ANKRD11: variants seen among roughly 807,000 people sequenced by gnomAD.
ANKRD11 encodes the protein ankyrin repeat domain-containing protein 11.
ANKRD11 carries 17 observed loss-of-function variants against 195.7 expected under a neutral mutation model. That is an observed-to-expected ratio of 0.09 (90% CI 0.06 to 0.13). ANKRD11 has a LOEUF of 0.13. Ranked by LOEUF, ANKRD11 falls within the 10% of genes least tolerant of loss-of-function variation. The pLI is 1.00. For missense variants in ANKRD11, 3,735 were observed against 3,566.1 expected, an observed-to-expected ratio of 1.05 and a Z score of -1.21; for synonymous variants, 1,953 against 1,528.1, an observed-to-expected ratio of 1.28 and a Z score of -6.49.
At chr16:89,426,871 G>C (rs2042739297) in intron 1 of ANKRD11, among the ~76,000 whole-genome samples, 1 of 152,206 alleles carries the variant, frequency 6.6e-6, no homozygotes, top group African/African-American at 2.4e-5. Flanking sequence ...CAATCGCTTA[G>C]TTATTTGTGA....
intron 2 of ANKRD11, among the ~76,000 whole-genome samples, chr16:89,369,503 A>T (rs757097055): frequency 3.9e-5 from 6 of 152,270 alleles, no homozygotes; most frequent in Non-Finnish European, 7.3e-5. Flanking sequence ...CGTATCAGAC[A>T]CAAAGGCCCA....
chr16:89,338,912 C>G (rs1291091039), intron 2 of ANKRD11, among the ~76,000 whole-genome samples: 1 of 152,056 alleles, frequency 6.6e-6, no homozygotes, highest in Non-Finnish European at 1.5e-5. Context: ...ACAAAAAAAT[C>G]ACCCAGATAT....
At chr16:89,364,057 G>A (rs918224036) in intron 2 of ANKRD11, among the ~76,000 whole-genome samples, 1 of 137,018 alleles carries the variant, frequency 7.3e-6, no homozygotes, top group Non-Finnish European at 1.6e-5. Context: ...CAAGTGACAC[G>A]CTGATTTAAA....
intron 2 of ANKRD11, among the ~76,000 whole-genome samples, chr16:89,342,524 C>G (rs764507670): frequency 6.6e-6 from 1 of 152,228 alleles, no homozygotes; most frequent in African/African-American, 2.4e-5. Context: ...CTCGCTGCGG[C>G]CTGCGTGGCT....
At chr16:89,385,538 G>C (rs2040871069) in intron 2 of ANKRD11, among the ~76,000 whole-genome samples, 1 of 152,160 alleles carries the variant, frequency 6.6e-6, no homozygotes, top group East Asian at 1.9e-4. Flanking sequence ...CCCTGTGTCA[G>C]AGCCTCAAGC....
intron 1 of ANKRD11, among the ~76,000 whole-genome samples, chr16:89,468,202 TAAAC>T (rs1301772542): frequency 6.6e-6 from 1 of 152,218 alleles, no homozygotes; most frequent in East Asian, 1.9e-4. Context: ...AGCAGAAATC[TAAAC>T]AATTATTTGG....
chr16:89,472,266 T>A (rs2152352260), intron 1 of ANKRD11, among the ~76,000 whole-genome samples: 1 of 152,330 alleles, frequency 6.6e-6, no homozygotes, highest in Non-Finnish European at 1.5e-5. Flanking sequence ...TGCATCTTCA[T>A]GTTCCAACCT....
chr16:89,334,127 G>A (rs2038207868), intron 2 of ANKRD11, among the ~76,000 whole-genome samples: 1 of 104,732 alleles, frequency 9.5e-6, no homozygotes, highest in African/African-American at 3.9e-5. Flanking sequence ...TGGGTAACAT[G>A]ATGAAACCCT....
intron 2 of ANKRD11, among the ~76,000 whole-genome samples, chr16:89,341,769 A>T (rs1567673272): frequency 6.6e-6 from 1 of 152,200 alleles, no homozygotes; most frequent in Non-Finnish European, 1.5e-5. Flanking sequence ...AAACGTGCAC[A>T]AACAAAAAGT....
intron 1 of ANKRD11, among the ~76,000 whole-genome samples, chr16:89,466,443 T>A (rs1435563832): frequency 1.3e-5 from 2 of 152,118 alleles, no homozygotes; most frequent in Non-Finnish European, 2.9e-5. Context: ...ATGAATATAC[T>A]AAAAATCACT....
intron 2 of ANKRD11, among the ~76,000 whole-genome samples, chr16:89,392,917 T>C (rs531230154): frequency 6.6e-6 from 1 of 152,106 alleles, no homozygotes; most frequent in South Asian, 2.1e-4. Flanking sequence ...CCTTGGGACC[T>C]GCCTGCATCT....
rs1008379269 is a variant in ANKRD11, at chr16:89,327,029, C to T, written c.-59-9951G>A. Among the ~76,000 whole-genome samples, 3 of 151,374 alleles carry T rather than the reference C, an allele frequency of 2.0e-5. No individual in the cohort carries two copies. In the East Asian group the frequency reaches 5.8e-4, roughly 29 times the overall value. ...AGGGGGAATGCAGAGGTGGGGAATG[C>T]AGAGGTGGGGAATGCAGAGGTGGGA... is the stretch of plus-strand genomic sequence containing the variant. On this transcript the variant is annotated intron_variant, in intron 2 of 12. Coordinates refer to ENST00000301030, the MANE Select transcript of ANKRD11 (RefSeq NM_013275.6).
intron 3 of ANKRD11, among the ~76,000 whole-genome samples, chr16:89,310,326 C>T (rs1567623001): frequency 2.0e-5 from 3 of 152,262 alleles, no homozygotes; most frequent in African/African-American, 7.2e-5. Flanking sequence ...AGAGGAAGCA[C>T]ACTACCTCAT....
chr16:89,386,089 G>A (rs986642406), intron 2 of ANKRD11, among the ~76,000 whole-genome samples: 7 of 152,228 alleles, frequency 4.6e-5, no homozygotes, highest in African/African-American at 1.7e-4. Context: ...GGATGCCAGG[G>A]CTTCTCCTAT....
At chr16:89,441,337 C>G (rs544748788) in intron 1 of ANKRD11, among the ~76,000 whole-genome samples, 8 of 152,286 alleles carry the variant, frequency 5.3e-5, no homozygotes, top group African/African-American at 1.9e-4. Flanking sequence ...TACAGAACTT[C>G]TCAACACAGG....
At chr16:89,398,387 A>G (rs7187156) in intron 2 of ANKRD11, among the ~76,000 whole-genome samples, 13 of 51,982 alleles carry the variant, frequency 2.5e-4, no homozygotes, top group African/African-American at 8.1e-4. Flanking sequence ...TGTGAAACAG[A>G]TGAAGATTAC....
intron 4 of ANKRD11, chr16:89,300,592 A>C (rs2035789005): frequency 4.7e-6 from 2 of 421,440 alleles, no homozygotes; most frequent in Admixed American, 4.5e-5. Context: ...TGGCATTCAG[A>C]GTTCCAAGAA....
rs2152102434 is a variant in ANKRD11, at chr16:89,380,063, T to C, written c.-60+38221A>G. On this transcript the variant is annotated intron_variant, in intron 2 of 12. Coordinates refer to ENST00000301030, the MANE Select transcript of ANKRD11 (RefSeq NM_013275.6). ...TATGAAGCTCCTCTGCCACCAGAAA[T>C]TCACTATGGAAAGATGTTATTTCTG... Among the ~76,000 whole-genome samples, 3 of 152,256 alleles carry C rather than the reference T, an allele frequency of 2.0e-5. No individual in the cohort carries two copies. The Middle Eastern group carries it at 0.01, about 518-fold the overall frequency.
chr16:89,330,972 G>A (rs2038034485), intron 2 of ANKRD11, among the ~76,000 whole-genome samples: 2 of 152,098 alleles, frequency 1.3e-5, no homozygotes, highest in Non-Finnish European at 2.9e-5. Context: ...CCTTTTTCTT[G>A]AGACGGAGTC....
Sources: allele counts gnomAD v4.1 joint callset (sites outside exome capture counted in the v4.1 genomes callset), GRCh38; gene constraint gnomAD v4.1.1; transcripts MANE v1.5; gene names NCBI Gene and HGNC (gene_info 2026-07-23, HGNC 2026-07-21).